NAV2: variants seen among roughly 807,000 people sequenced by gnomAD.
The protein encoded by NAV2 is neuron navigator 2.
In NAV2, 54 loss-of-function variants were observed where a neutral mutation model predicts 223.2. That is an observed-to-expected ratio of 0.24 (90% CI 0.19 to 0.30). The LOEUF is 0.30. Ranked by LOEUF, NAV2 falls within the 10% of genes least tolerant of loss-of-function variation. NAV2 has a pLI of 1.00. For synonymous variants in NAV2, 1,279 were observed against 1,239.3 expected (o/e 1.03, Z -0.67); for missense variants, 2,806 against 3,147.5 (o/e 0.89, Z 2.60).
chr11:19,596,317 T>C (rs2046206013), intron 1 of NAV2, among the ~76,000 whole-genome samples: 2 of 152,210 alleles, frequency 1.3e-5, no homozygotes, highest in South Asian at 4.1e-4. Context: ...ATCCTAGACT[T>C]GCCCTAGTGG....
chr11:19,768,371 G>A (rs2055408972), intron 1 of NAV2, among the ~76,000 whole-genome samples: 1 of 152,114 alleles, frequency 6.6e-6, no homozygotes, highest in Non-Finnish European at 1.5e-5. Flanking sequence ...CCTAATATCA[G>A]TCAGCGAAGT....
chr11:19,565,159 T>G (rs1176732448), intron 1 of NAV2, among the ~76,000 whole-genome samples: 1 of 152,100 alleles, frequency 6.6e-6, no homozygotes, highest in Non-Finnish European at 1.5e-5. Context: ...AAGGTAATAA[T>G]GGCACCGGCC....
intron 12 of NAV2, among the ~76,000 whole-genome samples, chr11:20,038,009 A>G (rs1179324128): frequency 2.0e-5 from 3 of 152,162 alleles, no homozygotes; most frequent in Non-Finnish European, 4.4e-5. Flanking sequence ...TGAGGTTTCC[A>G]TTTTTGACTT....
chr11:19,803,747 G>C (rs1196367525), intron 1 of NAV2, among the ~76,000 whole-genome samples: 1 of 152,248 alleles, frequency 6.6e-6, no homozygotes, highest in Non-Finnish European at 1.5e-5. Flanking sequence ...TCTTCTCCCT[G>C]CTTTTGCAAT....
chr11:19,351,137 G>A, intron 1 of NAV2: 1 of 1,105,144 alleles, frequency 9.0e-7, no homozygotes, highest in Non-Finnish European at 1.3e-6. Context: ...TTTCTCTCCG[G>A]AAGGAGGTAG....
intron 1 of NAV2, among the ~76,000 whole-genome samples, chr11:19,656,136 C>G (rs2048118039): frequency 6.6e-6 from 1 of 152,198 alleles, no homozygotes; most frequent in East Asian, 1.9e-4. Context: ...TCTCACAGCA[C>G]AGCTTCAAGC....
At chr11:19,692,046 G>A (rs1478302767) in intron 1 of NAV2, among the ~76,000 whole-genome samples, 2 of 152,244 alleles carry the variant, frequency 1.3e-5, no homozygotes, top group African/African-American at 4.8e-5. Context: ...CACAGTCTGT[G>A]ATTCCATGGC....
chr11:19,879,012 C>A (rs898774773), intron 4 of NAV2, among the ~76,000 whole-genome samples: 8 of 152,116 alleles, frequency 5.3e-5, no homozygotes, highest in African/African-American at 1.9e-4. Context: ...GGTTCCCTTT[C>A]CTCTGTCCCT....
intron 7 of NAV2, among the ~76,000 whole-genome samples, chr11:19,937,662 A>G (rs929648799): frequency 6.6e-6 from 1 of 152,214 alleles, no homozygotes; most frequent in African/African-American, 2.4e-5. Context: ...TTAGACCTGG[A>G]GCTAGTCGAA....
intron 1 of NAV2, among the ~76,000 whole-genome samples, chr11:19,495,747 T>A (rs140471913): frequency 6.6e-6 from 1 of 152,224 alleles, no homozygotes; most frequent in East Asian, 1.9e-4. Context: ...ATATACATAT[T>A]TTTATGTGTA....
At chr11:19,378,304 C>T (rs570240108) in intron 1 of NAV2, among the ~76,000 whole-genome samples, 2 of 152,228 alleles carry the variant, frequency 1.3e-5, no homozygotes, top group South Asian at 4.2e-4. Context: ...CACGTCCAGT[C>T]GTCACCACCT....
chr11:19,996,649 T>A (rs2051918658), intron 11 of NAV2, among the ~76,000 whole-genome samples: 4 of 152,236 alleles, frequency 2.6e-5, no homozygotes, highest in Admixed American at 2.6e-4. Context: ...CATTGCCTCC[T>A]CTAGGAGCAG....
chr11:19,846,704 G>A (rs1168453409), intron 3 of NAV2, among the ~76,000 whole-genome samples: 2 of 152,180 alleles, frequency 1.3e-5, no homozygotes, highest in African/African-American at 4.8e-5. Context: ...GGTGAGAAAC[G>A]GAGATGCTCT....
chr11:20,045,417 A>T lies in NAV2; in HGVS notation c.3649A>T (p.Asn1217Tyr), dbSNP rs759504092. 2 of 1,614,100 alleles carry T rather than the reference A, an allele frequency of 1.2e-6. No individual in the cohort carries two copies. The highest frequency in any genetic ancestry group is 1.7e-6 in the Non-Finnish European group (2 of 1,180,040). ...NRSSTSSIDS[N>Y]ISSKSAGLPV... ...GTCTAGCACCAGCAGCATAGATTCC[A>T]ACATTAGCAGCAAGTCCGCAGGCCT... Residue 1217 changes from asparagine (N) to tyrosine (Y), a missense_variant, in exon 14 of 38, where the codon AAC becomes TAC. By Grantham distance (143) the Asn-to-Tyr change is moderately radical. Transcript: ENST00000349880.
chr11:19,908,264 C>T (rs763411533), intron 6 of NAV2, among the ~76,000 whole-genome samples: 14 of 152,072 alleles, frequency 9.2e-5, no homozygotes, highest in Non-Finnish European at 1.3e-4. Context: ...AAACAGAGAG[C>T]TTTTGAGGTC....
chr11:19,444,429 C>A (rs544508441), intron 1 of NAV2, among the ~76,000 whole-genome samples: 1 of 152,078 alleles, frequency 6.6e-6, no homozygotes. Context: ...GCAAATACAG[C>A]GTGGATAGAA....
At chr11:19,593,178 A>G (rs1402103505) in intron 1 of NAV2, among the ~76,000 whole-genome samples, 3 of 152,014 alleles carry the variant, frequency 2.0e-5, no homozygotes, top group African/African-American at 7.3e-5. Flanking sequence ...CTGGCAACCA[A>G]CCATTAGTAT....
chr11:19,621,658 T>C (rs1050012882), intron 1 of NAV2, among the ~76,000 whole-genome samples: 1 of 152,214 alleles, frequency 6.6e-6, no homozygotes, highest in African/African-American at 2.4e-5. Flanking sequence ...CCTTCTTTAT[T>C]AGTCTTGCTA....
At chr11:19,724,167 A>T (rs1202496396) in intron 1 of NAV2, among the ~76,000 whole-genome samples, 1 of 152,180 alleles carries the variant, frequency 6.6e-6, no homozygotes, top group Non-Finnish European at 1.5e-5. Context: ...GAGGAGTGTG[A>T]CTTGCCTCCA....
Sources: gnomAD v4.1 joint callset for allele counts (sites outside exome capture counted in the v4.1 genomes callset) on GRCh38, gnomAD v4.1.1 for gene constraint, MANE v1.5 for transcripts, NCBI Gene and HGNC (gene_info 2026-07-23, HGNC 2026-07-21) for gene names.